The following CUX1 variants were observed in gnomAD, a reference collection of about 807,000 sequenced individuals.
CUX1 encodes protein CASP.
CUX1 carries 31 observed loss-of-function variants against 158.8 expected under a neutral mutation model. The ratio of observed to expected loss-of-function variants is 0.20; its 90% CI spans 0.15 to 0.26. The LOEUF is 0.26. CUX1 is among the 10% of genes least tolerant of loss of function. The probability of loss-of-function intolerance (pLI) is 1.00; values close to 1 mark genes in which losing one functional copy is unlikely to be tolerated. For synonymous variants in CUX1, 879 were observed against 862.1 expected (o/e 1.02, Z -0.34); for missense variants, 1,589 against 2,014.6 (o/e 0.79, Z 4.04).
chr7:102,272,735 C>T (rs1280349369), intron 14 of CUX1, among the ~76,000 whole-genome samples: 1 of 152,200 alleles, frequency 6.6e-6, no homozygotes, highest in Non-Finnish European at 1.5e-5. Flanking sequence ...ATAAAGATGA[C>T]CCTGGCACCT....
intron 2 of CUX1, among the ~76,000 whole-genome samples, chr7:101,955,966 G>A (rs416466): frequency 0.55 from 83,322 of 151,430 alleles, 24,185 homozygotes; most frequent in Middle Eastern, 0.69. Flanking sequence ...GGCGGATCAC[G>A]AGGTCAGGGG....
At chr7:102,216,564 A>ACCCCCACACACACACT (rs1797106331) in intron 20 of CUX1, among the ~76,000 whole-genome samples, 1 of 71,570 alleles carries the variant, frequency 1.4e-5, no homozygotes, top group African/African-American at 5.3e-5. Context: ...ACGCACACAC[A>ACCCCCACACACACACT]CTCCCACACA....
chr7:101,852,938 A>C (rs1441403399), intron 1 of CUX1, among the ~76,000 whole-genome samples: 1 of 152,098 alleles, frequency 6.6e-6, no homozygotes, highest in Non-Finnish European at 1.5e-5. Context: ...TCGTCCTCCC[A>C]AAGTGCTGGG....
chr7:101,978,431 T>A (rs1487390556), intron 2 of CUX1, among the ~76,000 whole-genome samples: 1 of 152,192 alleles, frequency 6.6e-6, no homozygotes, highest in Admixed American at 6.5e-5. Flanking sequence ...AGCAAGCCCG[T>A]CCTTCCTCCT....
chr7:102,192,014 G>A (rs542565990), intron 12 of CUX1, among the ~76,000 whole-genome samples: 1 of 152,156 alleles, frequency 6.6e-6, no homozygotes, highest in African/African-American at 2.4e-5. Flanking sequence ...CACATGACAG[G>A]CCCCACCACC....
intron 3 of CUX1, among the ~76,000 whole-genome samples, chr7:102,067,539 A>G (rs1243061435): frequency 4.1e-5 from 6 of 147,840 alleles, no homozygotes; most frequent in Non-Finnish European, 7.4e-5. Context: ...CCTGACCACA[A>G]CTCTATTTTT....
At chr7:102,119,546 C>A (rs1265587392) in intron 8 of CUX1, among the ~76,000 whole-genome samples, 1 of 152,158 alleles carries the variant, frequency 6.6e-6, no homozygotes, top group African/African-American at 2.4e-5. Flanking sequence ...AAGTGTTCTT[C>A]TTCATGTTTA....
At chr7:102,160,040 G>T (rs533614703) in intron 9 of CUX1, among the ~76,000 whole-genome samples, 1 of 151,880 alleles carries the variant, frequency 6.6e-6, no homozygotes, top group Non-Finnish European at 1.5e-5. Flanking sequence ...AATTAGCCGG[G>T]TGCGGTGACA....
At chr7:101,969,847 C>G (rs901383613) in intron 2 of CUX1, among the ~76,000 whole-genome samples, 1 of 152,026 alleles carries the variant, frequency 6.6e-6, no homozygotes, top group Non-Finnish European at 1.5e-5. Flanking sequence ...AAAGAGGCGC[C>G]TGATCTGCAG....
chr7:102,066,316 G>T (rs558382173), intron 3 of CUX1, among the ~76,000 whole-genome samples: 1 of 152,104 alleles, frequency 6.6e-6, no homozygotes, highest in Non-Finnish European at 1.5e-5. Context: ...ACTGGACGAG[G>T]GCCCAGGCTA....
intron 8 of CUX1, among the ~76,000 whole-genome samples, chr7:102,122,562 C>T (rs1832161944): frequency 6.6e-6 from 1 of 152,144 alleles, no homozygotes; most frequent in Admixed American, 6.5e-5. Context: ...TCTTGGCCCC[C>T]TCTGAATAGT....
chr7:101,983,383 C>A (rs1439557145), intron 2 of CUX1, among the ~76,000 whole-genome samples: 1 of 152,222 alleles, frequency 6.6e-6, no homozygotes, highest in Non-Finnish European at 1.5e-5. Flanking sequence ...ATCCTCCCAC[C>A]AGTGGTTCCT....
chr7:101,926,363 G>C (rs1206385924), intron 2 of CUX1, among the ~76,000 whole-genome samples: 1 of 152,158 alleles, frequency 6.6e-6, no homozygotes, highest in Admixed American at 6.5e-5. Context: ...AGTGGGACCA[G>C]TAATGAAGGC....
At chr7:101,922,451 A>C (rs904276694) in intron 2 of CUX1, among the ~76,000 whole-genome samples, 23 of 152,288 alleles carry the variant, frequency 1.5e-4, no homozygotes, top group African/African-American at 4.8e-4. Flanking sequence ...TAACCTTTAA[A>C]ATATCCATGA....
chr7:102,071,610 T>C (rs547860864), intron 4 of CUX1, among the ~76,000 whole-genome samples: 3 of 152,070 alleles, frequency 2.0e-5, no homozygotes, highest in South Asian at 2.1e-4. Flanking sequence ...CTGAATATCA[T>C]TGACATCATT....
chr7:101,975,107 C>T (rs1457284347), intron 2 of CUX1, among the ~76,000 whole-genome samples: 8 of 151,914 alleles, frequency 5.3e-5, no homozygotes, highest in Admixed American at 5.3e-4. Context: ...AAAACTTAGC[C>T]GGGCGTGATG....
chr7:101,830,669 C>A (rs992388438), intron 1 of CUX1, among the ~76,000 whole-genome samples: 13 of 151,694 alleles, frequency 8.6e-5, no homozygotes, highest in African/African-American at 2.9e-4. Context: ...GTTGGCCAGG[C>A]TGGTCTCAAA....
At chr7:102,224,371 T>G (rs923401241) in intron 20 of CUX1, among the ~76,000 whole-genome samples, 6 of 152,098 alleles carry the variant, frequency 3.9e-5, no homozygotes, top group Non-Finnish European at 7.4e-5. Flanking sequence ...CATGCCTGGC[T>G]GGTTTTTGTA....
intron 2 of CUX1, among the ~76,000 whole-genome samples, chr7:101,948,678 G>T (rs113767694): frequency 1.3e-5 from 2 of 152,160 alleles, no homozygotes; most frequent in Admixed American, 1.3e-4. Context: ...CTGCTGGGGG[G>T]GCATCACAGA....
Sources: gnomAD v4.1 joint callset for allele counts (sites outside exome capture counted in the v4.1 genomes callset) on GRCh38, gnomAD v4.1.1 for gene constraint, MANE v1.5 for transcripts, NCBI Gene and HGNC (gene_info 2026-07-23, HGNC 2026-07-21) for gene names.